The following LRRC49 variants were observed in gnomAD, a reference collection of about 807,000 sequenced individuals.
LRRC49 encodes the protein leucine-rich repeat-containing protein 49.
In LRRC49, 50 loss-of-function variants were observed where a neutral mutation model predicts 83.3. That is an observed-to-expected ratio of 0.60 (90% CI 0.48 to 0.76). The LOEUF (loss-of-function observed/expected upper bound fraction) is 0.76. Among genes scored for constraint, LRRC49 ranks in the 30% least tolerant of loss-of-function variants. LRRC49 has a pLI of 0.00. For synonymous variants in LRRC49, 286 were observed against 283.3 expected (o/e 1.01, Z -0.10); for missense variants, 704 against 809.1 (o/e 0.87, Z 1.58).
intron 7 of LRRC49, among the ~76,000 whole-genome samples, chr15:70,921,307 G>A (rs566403330): frequency 3.9e-5 from 6 of 152,244 alleles, no homozygotes; most frequent in Middle Eastern, 3.4e-3. Context: ...TTCTTATGTA[G>A]AGGTGGTTAA....
intron 7 of LRRC49, among the ~76,000 whole-genome samples, chr15:70,935,149 C>T (rs2035551677): frequency 6.6e-6 from 1 of 152,232 alleles, no homozygotes; most frequent in Non-Finnish European, 1.5e-5. Flanking sequence ...CACAGACTTA[C>T]TCCTTGGCCA....
At chr15:71,040,602 G>A (rs1026271440) in intron 15 of LRRC49, among the ~76,000 whole-genome samples, 6 of 152,054 alleles carry the variant, frequency 3.9e-5, no homozygotes, top group Non-Finnish European at 8.8e-5. Flanking sequence ...GGCGGATCAT[G>A]AGGTTAGGAG....
intron 1 of LRRC49, chr15:70,854,208 G>C: frequency 3.0e-6 from 2 of 663,538 alleles, no homozygotes; most frequent in Non-Finnish European, 4.0e-6. Flanking sequence ...CGGCCCAGGG[G>C]AGGGACAGGG....
At position 70,984,138 on chromosome 15, in the gene LRRC49, C is replaced by T. The variant is rs778270982; in HGVS notation, c.1050C>T (p.Asp350=). 1 of 1,581,426 alleles carries T rather than the reference C, an allele frequency of 6.3e-7. No individual in the cohort carries two copies. Residue 350 remains aspartate, a synonymous_variant, in exon 11 of 16, where the codon GAC becomes GAT. Coordinates refer to ENST00000260382, the MANE Select transcript of LRRC49 (RefSeq NM_017691.5). The part of the protein sequence containing the change: ...LTINNVARQW[D]LQQQRVANIA... ...TTAACAACGTAGCTCGACAGTGGGA[C>T]TTGCAACAACAACGAGTAGCCAATA...
rs548765129 is a variant in LRRC49, at chr15:71,034,897, G to A, written c.1704-2282G>A. ...AATACACGCTGGGGCCTACCAGAGG[G>A]CAGGAGGAGGGAGAGCATCAGGATA... is the stretch of plus-strand genomic sequence containing the variant. On this transcript the variant is annotated intron_variant, in intron 14 of 15. Coordinates refer to ENST00000260382, the MANE Select transcript of LRRC49 (RefSeq NM_017691.5). Among the ~76,000 whole-genome samples the A allele has an allele frequency of 2.6e-5, 4 of 152,256 alleles. No individual in the cohort carries two copies. The South Asian group carries it at 8.3e-4, about 32-fold the overall frequency.
intron 9 of LRRC49, among the ~76,000 whole-genome samples, chr15:70,976,444 G>T (rs1235482098): frequency 6.6e-6 from 1 of 152,154 alleles, no homozygotes; most frequent in Non-Finnish European, 1.5e-5. Flanking sequence ...CTTGCCATTT[G>T]ATTTTTAAAA....
chr15:70,943,374 A>G (rs1327315248), intron 8 of LRRC49, among the ~76,000 whole-genome samples: 1 of 152,184 alleles, frequency 6.6e-6, no homozygotes, highest in East Asian at 1.9e-4. Context: ...GTGAAAGTTT[A>G]TTAAAAAGCT....
intron 8 of LRRC49, among the ~76,000 whole-genome samples, chr15:70,943,351 T>C (rs1388506141): frequency 6.6e-6 from 1 of 152,050 alleles, no homozygotes; most frequent in African/African-American, 2.4e-5. Flanking sequence ...CCAAGGCAAG[T>C]TTTAGAGCAG....
intron 5 of LRRC49, chr15:70,908,048 G>T: frequency 2.2e-6 from 1 of 455,798 alleles, no homozygotes; most frequent in Admixed American, 2.3e-5. Flanking sequence ...TATGCCAAAG[G>T]CAACTCATGA....
At chr15:71,008,140 T>C (rs2038524737) in intron 11 of LRRC49, among the ~76,000 whole-genome samples, 2 of 151,892 alleles carry the variant, frequency 1.3e-5, no homozygotes, top group Admixed American at 6.6e-5. Context: ...TGGATAGAAA[T>C]AATTTGGGTT....
intron 11 of LRRC49, among the ~76,000 whole-genome samples, chr15:70,986,472 G>C (rs2037623108): frequency 6.6e-6 from 1 of 152,052 alleles, no homozygotes; most frequent in Non-Finnish European, 1.5e-5. Flanking sequence ...TGTGATTTTT[G>C]CACATTGATT....
intron 1 of LRRC49, among the ~76,000 whole-genome samples, chr15:70,872,000 C>T (rs937471106): frequency 6.6e-6 from 1 of 152,190 alleles, no homozygotes; most frequent in Non-Finnish European, 1.5e-5. Context: ...GGATGGCGGC[C>T]GGGCAGAGGC....
At chr15:70,858,272 T>C (rs1567026817) in intron 1 of LRRC49, among the ~76,000 whole-genome samples, 1 of 152,354 alleles carries the variant, frequency 6.6e-6, no homozygotes, top group East Asian at 1.9e-4. Flanking sequence ...AACCAGCATC[T>C]TTCTATAGTT....
At chr15:70,915,185 A>G (rs1047128911) in intron 6 of LRRC49, among the ~76,000 whole-genome samples, 1 of 152,206 alleles carries the variant, frequency 6.6e-6, no homozygotes, top group African/African-American at 2.4e-5. Flanking sequence ...GATGTTGTAC[A>G]TGATTCTGGC....
chr15:70,997,638 C>A (rs1332610270), intron 11 of LRRC49, among the ~76,000 whole-genome samples: 1 of 152,188 alleles, frequency 6.6e-6, no homozygotes, highest in Non-Finnish European at 1.5e-5. Flanking sequence ...GTAATGCCAG[C>A]TACTCAGGAG....
chr15:70,990,888 G>A (rs2037854045), intron 11 of LRRC49, among the ~76,000 whole-genome samples: 1 of 152,144 alleles, frequency 6.6e-6, no homozygotes, highest in South Asian at 2.1e-4. Context: ...AACCCACAGA[G>A]GTCTGAAGTT....
intron 5 of LRRC49, among the ~76,000 whole-genome samples, 167 bp from the exon 6 acceptor site, chr15:70,911,365 T>A (rs529321612): frequency 2.8e-4 from 43 of 152,314 alleles, no homozygotes; most frequent in East Asian, 1.5e-3. Flanking sequence ...GCATTTTTTT[T>A]AAATTATAAT....
At chr15:70,904,874 T>G (rs2034238597) in intron 5 of LRRC49, 119 bp downstream of exon 5, 2 of 682,340 alleles carry the variant, frequency 2.9e-6, no homozygotes, top group Non-Finnish European at 4.9e-6. Flanking sequence ...TTAAAAATTA[T>G]TTGAATTAGT....
intron 11 of LRRC49, among the ~76,000 whole-genome samples, chr15:70,996,740 G>A (rs1195044840): frequency 6.6e-6 from 1 of 152,084 alleles, no homozygotes; most frequent in African/African-American, 2.4e-5. Context: ...TAGGCCTCAA[G>A]TCTGCATTTG....
Sources: allele counts gnomAD v4.1 joint callset (sites outside exome capture counted in the v4.1 genomes callset), GRCh38; gene constraint gnomAD v4.1.1; transcripts MANE v1.5; gene names NCBI Gene and HGNC (gene_info 2026-07-23, HGNC 2026-07-21).